Variants in SKAP1 observed in about 807,000 individuals in gnomAD.
SKAP1 encodes src kinase-associated phosphoprotein 1.
A neutral mutation model predicts 58.5 loss-of-function variants in SKAP1; 44 were observed. The ratio of observed to expected loss-of-function variants is 0.75; its 90% CI spans 0.59 to 0.97. The LOEUF (loss-of-function observed/expected upper bound fraction) is 0.97, where lower values mean the gene tolerates loss of function less well. Ranked by LOEUF, SKAP1 falls within the 50% of genes least tolerant of loss-of-function variation. The probability of loss-of-function intolerance (pLI) is 0.00; values close to 1 mark genes in which losing one functional copy is unlikely to be tolerated. For synonymous variants in SKAP1, 127 were observed against 149.7 expected, an observed-to-expected ratio of 0.85 and a Z score of 1.11; for missense variants, 390 against 435.2, an observed-to-expected ratio of 0.90 and a Z score of 0.92.
Position 48,312,587 on chromosome 17 carries a change from C to T in SKAP1, c.280+33318G>A, listed in dbSNP as rs192974789. ...TTTCTTTTTTCATCCCATGCAAGAG[C>T]TTATGGTCAACCTTAATGGAAGTTC... On this transcript the variant is annotated intron_variant, in intron 4 of 12. Transcript: ENST00000336915. Among the ~76,000 whole-genome samples, 928 of 152,244 alleles carry T rather than the reference C, an allele frequency of 6.1e-3. 5 individuals carry two copies. The highest frequency in any genetic ancestry group is 0.011 in the Non-Finnish European group (718 of 68,002).
At chr17:48,243,590 A>G (rs1187576615) in intron 4 of SKAP1, among the ~76,000 whole-genome samples, 3 of 152,216 alleles carry the variant, frequency 2.0e-5, no homozygotes, top group East Asian at 1.9e-4. Flanking sequence ...CCTGATTTAC[A>G]TATATTGTGC....
intron 4 of SKAP1, among the ~76,000 whole-genome samples, chr17:48,204,972 C>CTTTTCTTTTCTTTCTTTCT (rs1424862689): frequency 2.9e-5 from 1 of 34,568 alleles, no homozygotes; most frequent in Non-Finnish European, 5.6e-5. Context: ...CTTTTCTTTT[C>CTTTTCTTTTCTTTCTTTCT]TTTTCTTTCT....
chr17:48,154,738 G>T, intron 11 of SKAP1, among the ~76,000 whole-genome samples: 1 of 152,106 alleles, frequency 6.6e-6, no homozygotes, highest in Non-Finnish European at 1.5e-5. Context: ...TTATGGAACA[G>T]GATGCTTTTA....
intron 4 of SKAP1, among the ~76,000 whole-genome samples, chr17:48,299,069 C>T (rs566447711): frequency 9.7e-4 from 148 of 152,230 alleles, no homozygotes; most frequent in African/African-American, 3.3e-3. Flanking sequence ...ATTCTCTAGA[C>T]GAAAAGCACC....
At chr17:48,169,160 A>C (rs1323836458) in intron 10 of SKAP1, among the ~76,000 whole-genome samples, 2 of 152,218 alleles carry the variant, frequency 1.3e-5, no homozygotes, top group Non-Finnish European at 2.9e-5. Context: ...ACAGTTAAGA[A>C]ATAAATCTCC....
At chr17:48,420,458 G>A (rs2067780623) in intron 1 of SKAP1, among the ~76,000 whole-genome samples, 1 of 151,974 alleles carries the variant, frequency 6.6e-6, no homozygotes, top group African/African-American at 2.4e-5. Context: ...CTTTTCATGT[G>A]GCAGGGAAAA....
intron 1 of SKAP1, among the ~76,000 whole-genome samples, chr17:48,403,216 A>AT (rs2067524379): frequency 6.6e-6 from 1 of 150,764 alleles, no homozygotes; most frequent in Admixed American, 6.6e-5. Flanking sequence ...AAAAAAAAAA[A>AT]GTTTTTAATT....
At chr17:48,424,435 C>G (rs890097255) in intron 1 of SKAP1, among the ~76,000 whole-genome samples, 2 of 151,288 alleles carry the variant, frequency 1.3e-5, no homozygotes, top group Non-Finnish European at 2.9e-5. Flanking sequence ...CCGTGTTAGC[C>G]AGGATGGTCT....
Position 48,424,221 on chromosome 17 carries a change from C to CTTT in SKAP1, c.46+5851_46+5853dup, listed in dbSNP as rs71366876. Reference sequence around the variant, plus strand: ...GGAGTAAGGCAGTTTTCTGGGACCTCTTTTTTTTTTTTTTTTTTTTTGAGA... The same window carrying CTTT: ...GGAGTAAGGCAGTTTTCTGGGACCTCTTTTTTTTTTTTTTTTTTTTTTTTGAGA... On this transcript the variant is annotated intron_variant, in intron 1 of 12. Transcript: ENST00000336915. Among the ~76,000 whole-genome samples, 827 of 106,618 alleles carry CTTT rather than the reference C, an allele frequency of 7.8e-3. 21 individuals carry two copies. Among genetic ancestry groups the CTTT allele is most frequent in the South Asian group, 0.02 (63 of 3,174 alleles). 69.9% of individuals were successfully genotyped at this position (106,618 alleles called of 152,430 possible). A position where few individuals can be genotyped will look rare whatever the true frequency, so the allele number is the denominator to read the frequency against.
rs1319882774 is a variant in SKAP1 at position 48,133,454 on chromosome 17, A to C, written c.*370T>G. 6.6e-6 allele frequency: 1 copy of C among 152,234 alleles called. No individual in the cohort carries two copies. The highest frequency in any genetic ancestry group is 1.9e-4 in the East Asian group (1 of 5,192). 9.4% of individuals were successfully genotyped at this position (152,234 alleles called of 1,614,324 possible). ...ACATCATCACACATGGCAAGGAACC[A>C]CATCCCAAGTTTATTTGTGCTTTTC... On this transcript the variant is annotated 3_prime_UTR_variant, in exon 13 of 13. Coordinates refer to ENST00000336915, the MANE Select transcript of SKAP1 (RefSeq NM_003726.4).
chr17:48,322,057 A>C (rs2144226554), intron 4 of SKAP1, among the ~76,000 whole-genome samples: 1 of 152,258 alleles, frequency 6.6e-6, no homozygotes, highest in South Asian at 2.1e-4. Context: ...CTTATAGTTC[A>C]TTATCTGCCT....
chr17:48,186,341 G>A (rs1332484690), intron 6 of SKAP1, among the ~76,000 whole-genome samples: 2 of 152,122 alleles, frequency 1.3e-5, no homozygotes, highest in African/African-American at 4.8e-5. Context: ...AATGTTCTGA[G>A]GAATCTAGGA....
At chr17:48,156,179 T>A (rs1295138531) in intron 11 of SKAP1, among the ~76,000 whole-genome samples, 27 of 152,250 alleles carry the variant, frequency 1.8e-4, no homozygotes, top group Admixed American at 1.7e-3. Flanking sequence ...TATTTCATGT[T>A]CAGGCAGAGC....
chr17:48,249,658 C>A (rs1483507927), intron 4 of SKAP1, among the ~76,000 whole-genome samples: 1 of 151,642 alleles, frequency 6.6e-6, no homozygotes, highest in East Asian at 1.9e-4. Flanking sequence ...AGAGCAAGAC[C>A]TTGTCTTAAA....
chr17:48,213,350 C>CAAAAAAAAA (rs71366849), intron 4 of SKAP1, among the ~76,000 whole-genome samples: 1 of 101,022 alleles, frequency 9.9e-6, no homozygotes, highest in African/African-American at 4.2e-5. Flanking sequence ...AACTCTGTCT[C>CAAAAAAAAA]AAAAAAAAAA....
At chr17:48,348,533 C>T (rs1598599450) in intron 3 of SKAP1, among the ~76,000 whole-genome samples, 1 of 151,866 alleles carries the variant, frequency 6.6e-6, no homozygotes, top group Admixed American at 6.6e-5. Context: ...CACCCAGTTT[C>T]CCCCAATGTC....
At chr17:48,397,477 C>T (rs768514318) in intron 1 of SKAP1, among the ~76,000 whole-genome samples, 12 of 152,178 alleles carry the variant, frequency 7.9e-5, no homozygotes, top group Admixed American at 2.6e-4. Context: ...CAGCCTGCCT[C>T]GGCCTCCCCA....
In SKAP1 at chr17:48,245,528, A is replaced by G. The variant is rs555347950; in HGVS notation, c.281-56028T>C. On this transcript the variant is annotated intron_variant, in intron 4 of 12. Transcript: ENST00000336915. Reference sequence around the variant, plus strand: ...GTGCTTCTAGATAACATGTGACTTTAAAGAGAGAAAAATGAAGACAGCACT... The same window carrying G: ...GTGCTTCTAGATAACATGTGACTTTGAAGAGAGAAAAATGAAGACAGCACT... 1.3e-4 allele frequency among the ~76,000 whole-genome samples: 20 copies of G among 152,308 alleles called. No individual in the cohort carries two copies. The East Asian group carries it at 3.7e-3, about 28-fold the overall frequency.
At chr17:48,387,640 G>C (rs757286163) in intron 2 of SKAP1, among the ~76,000 whole-genome samples, 4 of 152,122 alleles carry the variant, frequency 2.6e-5, no homozygotes, top group Non-Finnish European at 5.9e-5. Flanking sequence ...AAATGATTTT[G>C]TGCCACTTTC....
Sources: allele counts gnomAD v4.1 joint callset (sites outside exome capture counted in the v4.1 genomes callset), GRCh38; gene constraint gnomAD v4.1.1; transcripts MANE v1.5; gene names NCBI Gene and HGNC (gene_info 2026-07-23, HGNC 2026-07-21).